Variants in WDPCP observed in about 807,000 individuals in gnomAD.
The protein encoded by WDPCP is WD repeat-containing and planar cell polarity effector protein fritz homolog.
In WDPCP, 71 loss-of-function variants were observed where a neutral mutation model predicts 93.1. The observed-to-expected ratio is 0.76, with a 90% confidence interval of 0.63 to 0.93. WDPCP has a LOEUF of 0.93. WDPCP is among the 40% of genes least tolerant of loss of function. The probability of loss-of-function intolerance (pLI) is 0.00; values close to 1 mark genes in which losing one functional copy is unlikely to be tolerated. For missense variants in WDPCP, 844 were observed against 887.4 expected, an observed-to-expected ratio of 0.95 and a Z score of 0.62; for synonymous variants, 315 against 315.0, an observed-to-expected ratio of 1.00 and a Z score of 0.00.
intron 15 of WDPCP, among the ~76,000 whole-genome samples, chr2:63,164,494 T>G (rs897269427): frequency 5.9e-5 from 9 of 152,112 alleles, no homozygotes; most frequent in Admixed American, 4.6e-4. Context: ...CCTCTATTCC[T>G]CCTGCTCTGA....
chr2:63,631,756 T>C (rs1709867034), intron 3 of WDPCP, among the ~76,000 whole-genome samples: 1 of 152,180 alleles, frequency 6.6e-6, no homozygotes, highest in Non-Finnish European at 1.5e-5. Flanking sequence ...TTATCAGCCA[T>C]GCTGCAGGTG....
At chr2:63,388,604 G>T (rs987493530) in intron 10 of WDPCP, among the ~76,000 whole-genome samples, 6 of 152,166 alleles carry the variant, frequency 3.9e-5, no homozygotes, top group African/African-American at 1.4e-4. Context: ...ACTTCTCCAA[G>T]CTAAAGGAGC....
intron 9 of WDPCP, among the ~76,000 whole-genome samples, chr2:63,411,459 C>T (rs1187016572): frequency 6.6e-6 from 1 of 152,080 alleles, no homozygotes; most frequent in East Asian, 1.9e-4. Context: ...ATTCTAAGGT[C>T]ACTTCAAGGA....
At chr2:63,691,113 C>T (rs1668882597) in intron 2 of WDPCP, among the ~76,000 whole-genome samples, 2 of 152,304 alleles carry the variant, frequency 1.3e-5, no homozygotes, top group African/African-American at 4.8e-5. Context: ...TCAACTAAAT[C>T]TCACGTGGGC....
At chr2:63,485,150 T>C (rs951835417) in intron 4 of WDPCP, among the ~76,000 whole-genome samples, 163 bp from the exon 5 acceptor site, 8 of 151,870 alleles carry the variant, frequency 5.3e-5, no homozygotes, top group Non-Finnish European at 1.0e-4. Flanking sequence ...GGCTTTGTCA[T>C]AGGAACAGGA....
At chr2:63,533,297 C>T (rs1436388510) in intron 1 of WDPCP, among the ~76,000 whole-genome samples, 2 of 152,092 alleles carry the variant, frequency 1.3e-5, no homozygotes, top group South Asian at 2.1e-4. Context: ...TTAGACAGAT[C>T]GATGAGACAG....
intron 9 of WDPCP, among the ~76,000 whole-genome samples, chr2:63,433,441 C>T (rs1251326909): frequency 6.6e-6 from 1 of 152,116 alleles, no homozygotes; most frequent in Non-Finnish European, 1.5e-5. Context: ...ACTCATTTAT[C>T]ATCATGAACT....
intron 2 of WDPCP, among the ~76,000 whole-genome samples, chr2:63,672,960 C>G (rs558031712): frequency 1.8e-4 from 27 of 152,044 alleles, no homozygotes; most frequent in African/African-American, 6.0e-4. Flanking sequence ...CCTGTGTTGC[C>G]CAGGTTGGTC....
intron 9 of WDPCP, among the ~76,000 whole-genome samples, chr2:63,433,440 T>C (rs180996947): frequency 6.6e-6 from 1 of 152,312 alleles, no homozygotes; most frequent in Admixed American, 6.5e-5. Context: ...AACTCATTTA[T>C]CATCATGAAC....
At chr2:63,627,502 A>G (rs981316087) in intron 3 of WDPCP, among the ~76,000 whole-genome samples, 2 of 151,828 alleles carry the variant, frequency 1.3e-5, no homozygotes, top group Non-Finnish European at 2.9e-5. Context: ...CCGTTTTACC[A>G]CTCCAACGTT....
intron 14 of WDPCP, chr2:63,229,329 A>G (rs1678610036): frequency 6.6e-6 from 1 of 152,128 alleles, no homozygotes; most frequent in South Asian, 2.1e-4. Flanking sequence ...GATTCTGGAT[A>G]TTAGCCCTTT....
chr2:63,238,273 G>A (rs1381306035), intron 14 of WDPCP, among the ~76,000 whole-genome samples: 1 of 152,090 alleles, frequency 6.6e-6, no homozygotes, highest in East Asian at 1.9e-4. Context: ...AAGCTTCTGG[G>A]AAACTCCTGA....
intron 15 of WDPCP, among the ~76,000 whole-genome samples, chr2:63,161,301 A>T (rs996333755): frequency 1.3e-5 from 2 of 152,150 alleles, no homozygotes; most frequent in African/African-American, 2.4e-5. Flanking sequence ...TATATATATA[A>T]ATGGCGCCAT....
chr2:63,773,773 T>C (rs1001515737), intron 2 of WDPCP, among the ~76,000 whole-genome samples: 4 of 152,102 alleles, frequency 2.6e-5, no homozygotes, highest in African/African-American at 9.7e-5. Flanking sequence ...ATTTAATGAA[T>C]GTAATTCAGT....
intron 2 of WDPCP, among the ~76,000 whole-genome samples, chr2:63,812,332 G>T (rs1035352448): frequency 3.3e-5 from 5 of 152,172 alleles, no homozygotes; most frequent in African/African-American, 1.2e-4. Context: ...CACCTAGATT[G>T]ATTCCATGTC....
At chr2:63,550,657 A>G (rs1705542066) in intron 1 of WDPCP, among the ~76,000 whole-genome samples, 1 of 151,902 alleles carries the variant, frequency 6.6e-6, no homozygotes, top group South Asian at 2.1e-4. Flanking sequence ...TTCCATCTAC[A>G]AAATTAAATC....
chr2:63,289,141 A>C lies in WDPCP; in HGVS notation c.1812+24107T>G, dbSNP rs562047264. ...TAAATCATAGATATTTCATGAGAAAATATTTTGAGGCTATGTAAATATCCT... is the reference window on the plus strand; with the variant it reads ...TAAATCATAGATATTTCATGAGAAACTATTTTGAGGCTATGTAAATATCCT... On this transcript the variant is annotated intron_variant, in intron 13 of 17. Coordinates refer to ENST00000272321, the MANE Select transcript of WDPCP (RefSeq NM_015910.7). Among the ~76,000 whole-genome samples, 4 of 152,226 alleles carry C rather than the reference A, an allele frequency of 2.6e-5. No individual in the cohort carries two copies. The South Asian group carries it at 8.3e-4, about 32-fold the overall frequency.
intron 12 of WDPCP, among the ~76,000 whole-genome samples, chr2:63,370,909 CTT>C (rs1575252888): frequency 9.3e-6 from 1 of 107,410 alleles, no homozygotes; most frequent in East Asian, 2.4e-4. Context: ...TATTTTTAAA[CTT>C]CCTTCCTTCT....
intron 14 of WDPCP, among the ~76,000 whole-genome samples, chr2:63,212,175 CGAAGTTGAAATGAAGGA>C (rs1676876758): frequency 6.6e-6 from 1 of 151,990 alleles, no homozygotes; most frequent in Non-Finnish European, 1.5e-5. Flanking sequence ...TCAGATTCAC[CGAAGTTGAAATGAAGGA>C]AAAAATGTTA....
Sources: gnomAD v4.1 joint callset for allele counts (sites outside exome capture counted in the v4.1 genomes callset) on GRCh38, gnomAD v4.1.1 for gene constraint, MANE v1.5 for transcripts, NCBI Gene and HGNC (gene_info 2026-07-23, HGNC 2026-07-21) for gene names.